Variants in SLIT3 observed in about 807,000 individuals in gnomAD.
The protein encoded by SLIT3 is slit homolog 3 protein.
A neutral mutation model predicts 184.0 loss-of-function variants in SLIT3; 68 were observed. The observed-to-expected ratio is 0.37, with a 90% confidence interval of 0.30 to 0.45. The LOEUF is 0.45. Among genes scored for constraint, SLIT3 ranks in the 20% least tolerant of loss-of-function variants. The pLI is 1.00. For synonymous variants in SLIT3, 831 were observed against 828.6 expected, an observed-to-expected ratio of 1.00 and a Z score of -0.05; for missense variants, 1,707 against 2,026.0, an observed-to-expected ratio of 0.84 and a Z score of 3.02.
At chr5:168,684,192 G>T (rs2113221925) in intron 31 of SLIT3, 96 bp from the exon 32 acceptor site, 2 of 1,274,144 alleles carry the variant, frequency 1.6e-6, no homozygotes, top group East Asian at 5.3e-5. Flanking sequence ...AGCAGCTTCT[G>T]AATCTGTGCT....
At chr5:169,191,302 C>T (rs764855850) in intron 4 of SLIT3, among the ~76,000 whole-genome samples, 2 of 152,200 alleles carry the variant, frequency 1.3e-5, no homozygotes, top group Non-Finnish European at 2.9e-5. Flanking sequence ...TGCCCGGACA[C>T]GGACCCAGCA....
intron 4 of SLIT3, among the ~76,000 whole-genome samples, chr5:168,941,707 G>A (rs1380591408): frequency 6.6e-6 from 1 of 152,158 alleles, no homozygotes; most frequent in East Asian, 1.9e-4. Context: ...AAGGCTCATC[G>A]AAAGGGTGCA....
intron 4 of SLIT3, among the ~76,000 whole-genome samples, chr5:169,070,797 CAAAA>C (rs34764320): frequency 1.7e-5 from 2 of 116,060 alleles, no homozygotes; most frequent in Non-Finnish European, 1.8e-5. Context: ...ACATTTTCCT[CAAAA>C]AAAAAAAAAA....
chr5:168,786,451 G>T (rs1263587396), intron 11 of SLIT3, among the ~76,000 whole-genome samples: 1 of 152,080 alleles, frequency 6.6e-6, no homozygotes, highest in Non-Finnish European at 1.5e-5. Flanking sequence ...ATCTAGACAG[G>T]GCTTTGTGCA....
chr5:169,298,652 T>C lies in SLIT3; in HGVS notation c.197+1861A>G, dbSNP rs1561793427. ...CCAGAACCCTCCCAAGACTGTCTGT[T>C]TATAGATCGTGGCCCAAACTGACCC... On this transcript the variant is annotated intron_variant, in intron 1 of 35. Coordinates refer to ENST00000519560, the MANE Select transcript of SLIT3 (RefSeq NM_003062.4). 2.0e-5 allele frequency among the ~76,000 whole-genome samples: 3 copies of C among 152,106 alleles called. No homozygotes were observed. The South Asian group carries it at 6.2e-4, about 32-fold the overall frequency.
At chr5:168,882,473 G>A (rs1027114138) in intron 5 of SLIT3, among the ~76,000 whole-genome samples, 1 of 152,170 alleles carries the variant, frequency 6.6e-6, no homozygotes, top group African/African-American at 2.4e-5. Context: ...AAATCTGCAC[G>A]TGATGAAATC....
intron 4 of SLIT3, among the ~76,000 whole-genome samples, chr5:168,981,669 A>G (rs1196617219): frequency 2.0e-5 from 3 of 152,186 alleles, no homozygotes; most frequent in African/African-American, 4.8e-5. Context: ...TATAATAACC[A>G]TAAGTCTTAA....
At chr5:169,277,187 G>A (rs962690897) in intron 1 of SLIT3, among the ~76,000 whole-genome samples, 3 of 151,986 alleles carry the variant, frequency 2.0e-5, no homozygotes, top group Non-Finnish European at 4.4e-5. Flanking sequence ...TTTTGTGTTT[G>A]GGTGATTTTA....
intron 12 of SLIT3, among the ~76,000 whole-genome samples, chr5:168,777,113 T>C (rs1485115431): frequency 1.4e-5 from 2 of 143,726 alleles, no homozygotes; most frequent in South Asian, 2.3e-4. Flanking sequence ...ACACCCCCCA[T>C]ACCACACCAC....
At chr5:168,724,931 G>C (rs1306737545) in intron 20 of SLIT3, among the ~76,000 whole-genome samples, 1 of 152,184 alleles carries the variant, frequency 6.6e-6, no homozygotes, top group African/African-American at 2.4e-5. Context: ...GGTTGAGCTA[G>C]GACTTGAACC....
chr5:168,769,030 G>A (rs145818475), intron 14 of SLIT3, among the ~76,000 whole-genome samples: 17 of 152,316 alleles, frequency 1.1e-4, no homozygotes, highest in Non-Finnish European at 1.9e-4. Flanking sequence ...TGGCCAGTGC[G>A]CCTCCTGATG....
chr5:168,846,493 A>G (rs1758474824), intron 5 of SLIT3, among the ~76,000 whole-genome samples: 1 of 152,096 alleles, frequency 6.6e-6, no homozygotes, highest in Non-Finnish European at 1.5e-5. Context: ...CAGCTTCTAG[A>G]TTTATCATCA....
intron 12 of SLIT3, among the ~76,000 whole-genome samples, chr5:168,781,091 C>T (rs1334472523): frequency 2.0e-5 from 3 of 152,134 alleles, no homozygotes; most frequent in Admixed American, 1.3e-4. Context: ...TGGTGATTCC[C>T]GATGCAAGAG....
At chr5:169,152,564 C>T (rs1029598745) in intron 4 of SLIT3, among the ~76,000 whole-genome samples, 21 of 152,126 alleles carry the variant, frequency 1.4e-4, no homozygotes, top group Admixed American at 3.9e-4. Flanking sequence ...ATTTTGACCA[C>T]GTGTACCTTT....
Position 168,696,253 on chromosome 5 carries a change from C to T in SLIT3, c.3082+39G>A, listed in dbSNP as rs893297587. The T allele has an allele frequency of 3.7e-6, 6 of 1,612,196 alleles. No homozygotes were observed. In the African/African-American group the frequency reaches 8.0e-5, roughly 22 times the overall value. On this transcript the variant is annotated intron_variant, in intron 28 of 35. Transcript: ENST00000519560. ...TAAGAAAATGGTATTCTAGCGACAC[C>T]CCTCCACCCCACCATACATACAGTC...
At chr5:168,895,889 G>C (rs974073154) in intron 4 of SLIT3, among the ~76,000 whole-genome samples, 2 of 152,166 alleles carry the variant, frequency 1.3e-5, no homozygotes, top group African/African-American at 4.8e-5. Context: ...AAAGGCACTA[G>C]ACAAGGGACA....
intron 4 of SLIT3, among the ~76,000 whole-genome samples, chr5:169,006,329 T>C (rs17734263): frequency 0.021 from 3,177 of 152,248 alleles, 121 homozygotes; most frequent in East Asian, 0.094. Context: ...GATGCGACAA[T>C]GAGAGAGTTG....
At chr5:168,805,384 G>A (rs1023846870) in intron 9 of SLIT3, among the ~76,000 whole-genome samples, 1 of 152,122 alleles carries the variant, frequency 6.6e-6, no homozygotes, top group Non-Finnish European at 1.5e-5. Flanking sequence ...AAAGCAGAAA[G>A]GCAAGGGGAA....
chr5:169,194,682 T>C (rs991726072), intron 3 of SLIT3, among the ~76,000 whole-genome samples: 2 of 152,212 alleles, frequency 1.3e-5, no homozygotes, highest in Admixed American at 6.5e-5. Context: ...AAGTAGGCCC[T>C]GGGTCAGGGA....
Sources: allele counts gnomAD v4.1 joint callset (sites outside exome capture counted in the v4.1 genomes callset), GRCh38; gene constraint gnomAD v4.1.1; transcripts MANE v1.5; gene names NCBI Gene and HGNC (gene_info 2026-07-23, HGNC 2026-07-21).